AGBL4: variants seen among roughly 807,000 people sequenced by gnomAD.
AGBL4 encodes the protein AGBL carboxypeptidase 4.
AGBL4 carries 58 observed loss-of-function variants against 66.4 expected under a neutral mutation model. The observed-to-expected ratio is 0.87, with a 90% CI of 0.71 to 1.09. AGBL4 has a LOEUF of 1.09. Among genes scored for constraint, AGBL4 ranks in the 50% least tolerant of loss-of-function variants. AGBL4 has a pLI of 0.00. For missense variants in AGBL4, 579 were observed against 631.0 expected (o/e 0.92, Z 0.88); for synonymous variants, 234 against 222.9 (o/e 1.05, Z -0.44).
intron 5 of AGBL4, among the ~76,000 whole-genome samples, chr1:48,869,240 G>A (rs1269731540): frequency 6.6e-6 from 1 of 152,172 alleles, no homozygotes; most frequent in Non-Finnish European, 1.5e-5. Flanking sequence ...AATCTACACA[G>A]TAAGAACATA....
At chr1:49,256,790 T>G (rs1424953680) in intron 3 of AGBL4, among the ~76,000 whole-genome samples, 2 of 152,216 alleles carry the variant, frequency 1.3e-5, no homozygotes, top group Middle Eastern at 3.2e-3. Flanking sequence ...TGGATTTGTA[T>G]AGCTAGACCG....
intron 2 of AGBL4, among the ~76,000 whole-genome samples, chr1:49,712,226 A>G (rs989321577): frequency 6.6e-6 from 1 of 152,056 alleles, no homozygotes; most frequent in South Asian, 2.1e-4. Flanking sequence ...ATGTTGTTCC[A>G]AAGGGTAAGA....
intron 3 of AGBL4, among the ~76,000 whole-genome samples, chr1:49,683,185 C>G (rs2124567347): frequency 6.6e-6 from 1 of 151,966 alleles, no homozygotes; most frequent in Non-Finnish European, 1.5e-5. Context: ...CAAATTCAGG[C>G]AAAAAAGGCA....
intron 2 of AGBL4, among the ~76,000 whole-genome samples, chr1:49,812,857 C>T (rs1645132299): frequency 6.6e-6 from 1 of 152,090 alleles, no homozygotes; most frequent in African/African-American, 2.4e-5. Flanking sequence ...AAGTCCTTGT[C>T]CCAACAGTTC....
chr1:49,371,135 T>C (rs1468609931), intron 3 of AGBL4, among the ~76,000 whole-genome samples: 1 of 152,174 alleles, frequency 6.6e-6, no homozygotes, highest in Non-Finnish European at 1.5e-5. Context: ...AATTACACCA[T>C]TGGCTCTCCA....
At chr1:48,699,408 G>A (rs1026828705) in intron 6 of AGBL4, among the ~76,000 whole-genome samples, 1 of 152,166 alleles carries the variant, frequency 6.6e-6, no homozygotes, top group Non-Finnish European at 1.5e-5. Flanking sequence ...TTATGTCTGT[G>A]TCTTTCTCTG....
intron 3 of AGBL4, among the ~76,000 whole-genome samples, chr1:49,335,674 C>T (rs549882667): frequency 3.2e-4 from 48 of 152,222 alleles, no homozygotes; most frequent in South Asian, 1.5e-3. Flanking sequence ...CGCCACCACA[C>T]CCGGCTAATT....
At position 49,206,859 on chromosome 1, in the gene AGBL4, T is replaced by TGGAGAGGAGAGGAGAGGAGA. The variant is rs71056687; in HGVS notation, c.377+38891_377+38910dup. 6.1e-4 allele frequency among the ~76,000 whole-genome samples: 39 copies of TGGAGAGGAGAGGAGAGGAGA among 63,902 alleles called. 1 individual carries two copies. The highest frequency in any genetic ancestry group is 1.7e-3 in the African/African-American group (24 of 14,304). 41.9% of individuals were successfully genotyped at this position (63,902 alleles called of 152,430 possible). On this transcript the variant is annotated intron_variant, in intron 4 of 13. Coordinates refer to ENST00000371839, the MANE Select transcript of AGBL4 (RefSeq NM_032785.4). ...AACTTTCTGAGCATTAGACTTTAGA[T>TGGAGAGGAGAGGAGAGGAGA]GGAGAGGAGAGGAGAGGAGAGGAGA...
At chr1:49,222,677 A>G (rs1354514004) in intron 4 of AGBL4, among the ~76,000 whole-genome samples, 1 of 152,202 alleles carries the variant, frequency 6.6e-6, no homozygotes, top group Non-Finnish European at 1.5e-5. Flanking sequence ...ATTAGACAAA[A>G]TCATCCAAAA....
At chr1:48,880,394 T>C (rs980647833) in intron 5 of AGBL4, among the ~76,000 whole-genome samples, 1 of 152,194 alleles carries the variant, frequency 6.6e-6, no homozygotes, top group African/African-American at 2.4e-5. Flanking sequence ...GGTGCCTCAT[T>C]TTTGCAATTG....
chr1:48,558,551 C>T (rs532969283), intron 11 of AGBL4, among the ~76,000 whole-genome samples: 1 of 152,258 alleles, frequency 6.6e-6, no homozygotes, highest in African/African-American at 2.4e-5. Flanking sequence ...GGCATATGGC[C>T]CATACCTGAC....
chr1:50,009,569 G>C (rs1423545157), intron 1 of AGBL4, among the ~76,000 whole-genome samples: 1 of 151,654 alleles, frequency 6.6e-6, no homozygotes, highest in East Asian at 1.9e-4. Context: ...ATGCTGAATA[G>C]GGAAAAACTG....
At chr1:49,119,716 A>T (rs1320288403) in intron 4 of AGBL4, among the ~76,000 whole-genome samples, 1 of 152,118 alleles carries the variant, frequency 6.6e-6, no homozygotes, top group Admixed American at 6.5e-5. Flanking sequence ...TATTAGGTCC[A>T]CTTGGTCCAG....
chr1:49,564,776 A>C (rs1167780743), intron 3 of AGBL4, among the ~76,000 whole-genome samples: 1 of 152,188 alleles, frequency 6.6e-6, no homozygotes, highest in Non-Finnish European at 1.5e-5. Context: ...AAAAGAATGT[A>C]TATTCTGTTG....
At chr1:49,063,024 A>G (rs529407218) in intron 4 of AGBL4, among the ~76,000 whole-genome samples, 1 of 152,354 alleles carries the variant, frequency 6.6e-6, no homozygotes, top group African/African-American at 2.4e-5. Flanking sequence ...AAATAATAAC[A>G]TGGACTCAGT....
At chr1:49,721,228 G>A (rs1648582199) in intron 2 of AGBL4, among the ~76,000 whole-genome samples, 1 of 152,078 alleles carries the variant, frequency 6.6e-6, no homozygotes, top group African/African-American at 2.4e-5. Context: ...GACAAATAAG[G>A]GAATAAAAGC....
At chr1:49,150,342 A>T (rs1405164698) in intron 4 of AGBL4, among the ~76,000 whole-genome samples, 1 of 152,200 alleles carries the variant, frequency 6.6e-6, no homozygotes, top group Admixed American at 6.5e-5. Context: ...GTTTCAAGGC[A>T]ATCTTTCACA....
At chr1:49,851,321 C>A in intron 2 of AGBL4, 75 bp downstream of exon 2, 3 of 1,416,542 alleles carry the variant, frequency 2.1e-6, no homozygotes, top group South Asian at 3.3e-5. Context: ...ACTGAATGGT[C>A]ACATAAAATT....
chr1:49,596,925 T>C (rs1233251827), intron 3 of AGBL4, among the ~76,000 whole-genome samples: 1 of 152,226 alleles, frequency 6.6e-6, no homozygotes, highest in Non-Finnish European at 1.5e-5. Flanking sequence ...GAGTGTTCAA[T>C]AGCAAGCAAT....
Sources: gnomAD v4.1 joint callset for allele counts (sites outside exome capture counted in the v4.1 genomes callset) on GRCh38, gnomAD v4.1.1 for gene constraint, MANE v1.5 for transcripts, NCBI Gene and HGNC (gene_info 2026-07-23, HGNC 2026-07-21) for gene names.